ATP23: variants seen among roughly 807,000 people sequenced by gnomAD.
ATP23 encodes the protein mitochondrial inner membrane protease ATP23 homolog.
ATP23 carries 24 observed loss-of-function variants against 28.5 expected under a neutral mutation model. The ratio of observed to expected loss-of-function variants is 0.84; its 90% CI spans 0.61 to 1.18. The LOEUF (loss-of-function observed/expected upper bound fraction) is 1.18, where lower values mean the gene tolerates loss of function less well. ATP23 is among the 50% of genes most tolerant of loss of function. The pLI is 0.00. For missense variants in ATP23, 274 were observed against 306.4 expected (o/e 0.89, Z 0.79); for synonymous variants, 99 against 108.6 (o/e 0.91, Z 0.55).
At position 57,958,673 on chromosome 12, in the gene ATP23, A is replaced by C. The variant is rs1412876363; in HGVS notation, c.*1783A>C. Among the ~76,000 whole-genome samples the C allele has an allele frequency of 1.3e-5, 2 of 152,240 alleles. No homozygotes were observed. The highest frequency in any genetic ancestry group is 1.5e-5 in the Non-Finnish European group (1 of 68,034). On this transcript the variant is annotated 3_prime_UTR_variant, in exon 6 of 6. Transcript: ENST00000300145. Reference sequence around the variant, plus strand: ...GTTTGGCTTACAGGAAGCCACATCCATCGGAAAAGGGGGAGGGTATACATC... The same window carrying C: ...GTTTGGCTTACAGGAAGCCACATCCCTCGGAAAAGGGGGAGGGTATACATC...
chr12:57,949,104 A>G (rs1202117867), intron 3 of ATP23, among the ~76,000 whole-genome samples: 1 of 152,212 alleles, frequency 6.6e-6, no homozygotes, highest in African/African-American at 2.4e-5. Context: ...ATTATGAACA[A>G]TGCTGCTATG....
Position 57,958,742 on chromosome 12 carries a change from C to T in ATP23, c.*1852C>T, listed in dbSNP as rs1956891754. 6.6e-6 allele frequency among the ~76,000 whole-genome samples: 1 copy of T among 152,230 alleles called. No homozygotes were observed. Among genetic ancestry groups the T allele is most frequent in the Admixed American group, 6.5e-5 (1 of 15,288 alleles). ...ACAAAGGAACCTGAACAATGGCCTT[C>T]AGCCCTAGACCTTCCCTTTGACAGA... On this transcript the variant is annotated 3_prime_UTR_variant, in exon 6 of 6. Coordinates refer to ENST00000300145, the MANE Select transcript of ATP23 (RefSeq NM_033276.4).
chr12:57,951,744 T>C lies in ATP23; in HGVS notation c.316-14T>C. ...TTAGAATCACTGAACTTCTTTTATT[T>C]TGGTGTCTCCTAGATAGTTTTGTGC... On this transcript the variant is annotated splice_polypyrimidine_tract_variant and intron_variant, in intron 3 of 5. Coordinates refer to ENST00000300145, the MANE Select transcript of ATP23 (RefSeq NM_033276.4). 2.5e-6 allele frequency: 4 copies of C among 1,610,520 alleles called. 1 individual carries two copies. Among genetic ancestry groups the C allele is most frequent in the South Asian group, 2.2e-5 (2 of 90,910 alleles).
Position 57,951,820 on chromosome 12 carries a change from G to T in ATP23, c.378G>T (p.Glu126Asp). The T allele has an allele frequency of 1.9e-6, 3 of 1,614,170 alleles. No individual in the cohort carries two copies. Among genetic ancestry groups the T allele is most frequent in the Non-Finnish European group, 2.5e-6 (3 of 1,180,032 alleles). The change falls in exon 4 of 6, where the codon GAG becomes GAT. Residue 126 changes from glutamate (E) to aspartate (D), a missense_variant. Transcript: ENST00000300145. ...QAHMNRVVTH[E>D]LIHAFDHCRA... ...ATATGAACAGAGTGGTCACACACGA[G>T]CTTATTCATGCATTTGATCATTGTC...
chr12:57,951,706 A>G (rs939717197), intron 3 of ATP23, 52 bp from the exon 4 acceptor site: 4 of 1,602,034 alleles, frequency 2.5e-6, no homozygotes, highest in South Asian at 2.2e-5. Flanking sequence ...GATCGAGTCT[A>G]TGGAAGGAGA....
In ATP23 at chr12:57,951,865, C is replaced by G; in HGVS notation, c.423C>G (p.Phe141Leu). The G allele has an allele frequency of 6.2e-7, 1 of 1,614,162 alleles. No homozygotes were observed. The highest frequency in any genetic ancestry group is 8.5e-7 in the Non-Finnish European group (1 of 1,180,026). ...FDHCRAHVDWFTNIRHLACSE... is the reference protein window; with the variant it reads ...FDHCRAHVDWLTNIRHLACSE... The stretch of plus-strand genomic sequence containing the variant: ...ATTGTCGTGCCCATGTCGACTGGTT[C>G]ACCAACATCAGACATTTGGCGTGCT... The change falls in exon 4 of 6, where the codon TTC becomes TTG. Residue 141 changes from phenylalanine (F) to leucine (L), a missense_variant. Physicochemically the swap from Phe to Leu is conservative, Grantham distance 22 (BLOSUM62 0). Coordinates refer to ENST00000300145, the MANE Select transcript of ATP23 (RefSeq NM_033276.4).
rs1168835141 is a variant in ATP23 at position 57,948,653 on chromosome 12, C to T, written c.315+1577C>T. 3.3e-5 allele frequency among the ~76,000 whole-genome samples: 5 copies of T among 152,260 alleles called. No homozygotes were observed. The South Asian group carries it at 6.2e-4, about 19-fold the overall frequency. ...CAGAAGAGTAAAACATCTATATGTA[C>T]ACTTTCAGTAATAATAAAGTGCACA... On this transcript the variant is annotated intron_variant, in intron 3 of 5. Transcript: ENST00000300145.
In ATP23 at chr12:57,951,684, T is replaced by A. The variant is rs1956815545; in HGVS notation, c.316-74T>A. The A allele has an allele frequency of 3.9e-6, 6 of 1,545,026 alleles. No homozygotes were observed. In the South Asian group the frequency reaches 6.9e-5, roughly 18 times the overall value. On this transcript the variant is annotated intron_variant, in intron 3 of 5. Coordinates refer to ENST00000300145, the MANE Select transcript of ATP23 (RefSeq NM_033276.4). ...AGCTTGTGGGGGAGAGGTGAGGTCA[T>A]GTGGGAGAGAAGATCGAGTCTATGG... is the stretch of plus-strand genomic sequence containing the variant.
At chr12:57,943,672 C>T (rs1183170145) in intron 1 of ATP23, among the ~76,000 whole-genome samples, 2 of 147,566 alleles carry the variant, frequency 1.4e-5, no homozygotes, top group Non-Finnish European at 3.0e-5. Context: ...CAGAGCGAGA[C>T]CCTGTCTAAA....
rs1197241076 is a variant in ATP23, at chr12:57,957,075, C to G, written c.*185C>G. 1 of 455,486 alleles carries G rather than the reference C, an allele frequency of 2.2e-6. No homozygotes were observed. The highest frequency in any genetic ancestry group is 3.8e-6 in the Non-Finnish European group (1 of 266,034). The allele number at this position is 455,486 out of a possible 1,614,324, so 28.2% of individuals were successfully genotyped here. On this transcript the variant is annotated 3_prime_UTR_variant, in exon 6 of 6. Transcript: ENST00000300145. ...CAAAAAATGAAACTGCTTTAAACTC[C>G]AAGGCAGAAATTGTATCTTTATAGC... is the stretch of plus-strand genomic sequence containing the variant.
chr12:57,949,146 G>A (rs1434743588), intron 3 of ATP23, among the ~76,000 whole-genome samples: 1 of 152,220 alleles, frequency 6.6e-6, no homozygotes, highest in African/African-American at 2.4e-5. Context: ...TGGTGCACAT[G>A]TGCAAGAGTT....
chr12:57,943,387 A>G (rs1385780261), intron 1 of ATP23, among the ~76,000 whole-genome samples: 1 of 152,188 alleles, frequency 6.6e-6, no homozygotes, highest in Admixed American at 6.5e-5. Flanking sequence ...TGTGAAGAAT[A>G]GATTTTATGG....
At chr12:57,942,731 AT>A (rs1048164255) in intron 1 of ATP23, among the ~76,000 whole-genome samples, 3 of 150,514 alleles carry the variant, frequency 2.0e-5, no homozygotes, top group East Asian at 2.0e-4. Context: ...CCCAAAGTGT[AT>A]TTTTTTTTGG....
intron 1 of ATP23, 44 bp from the exon 2 acceptor site, chr12:57,945,584 G>A (rs772531010): frequency 6.5e-7 from 1 of 1,534,358 alleles, no homozygotes; most frequent in Non-Finnish European, 9.0e-7. Flanking sequence ...AGTTTAATTG[G>A]TGCTACTTTT....
At chr12:57,949,269 C>G (rs1022396784) in intron 3 of ATP23, among the ~76,000 whole-genome samples, 2 of 152,162 alleles carry the variant, frequency 1.3e-5, no homozygotes, top group African/African-American at 4.8e-5. Context: ...CAGCACTCTT[C>G]TGGTTGCTCC....
At position 57,945,521 on chromosome 12, in the gene ATP23, T is replaced by G; in HGVS notation, c.188-107T>G. 3 of 924,592 alleles carry G rather than the reference T, an allele frequency of 3.2e-6. No homozygotes were observed. In the South Asian group the frequency reaches 4.4e-5, roughly 13 times the overall value. The allele number at this position is 924,592 out of a possible 1,614,324, so 57.3% of individuals were successfully genotyped here. A position where few individuals can be genotyped will look rare whatever the true frequency, so the allele number is the denominator to read the frequency against. ...TGCTGGGATTACAGGCATGAGCCAC[T>G]GCATCTGGCCTGTGAGTTACTTTTT... On this transcript the variant is annotated intron_variant, in intron 1 of 5. Transcript: ENST00000300145.
In ATP23 at chr12:57,941,666, A is replaced by C. The variant is rs1458847412; in HGVS notation, c.-36A>C. The C allele has an allele frequency of 6.3e-7, 1 of 1,593,626 alleles. No individual in the cohort carries two copies. On this transcript the variant is annotated 5_prime_UTR_variant, in exon 1 of 6. Coordinates refer to ENST00000300145, the MANE Select transcript of ATP23 (RefSeq NM_033276.4). ...TTCCCAGTCTCGCTCTGGCCGCCTG[A>C]GCCAGGAGGAAGCAGCGGCGAGGTC...
At chr12:57,952,591 T>A (rs1204219171) in intron 4 of ATP23, among the ~76,000 whole-genome samples, 2 of 152,180 alleles carry the variant, frequency 1.3e-5, no homozygotes, top group Non-Finnish European at 2.9e-5. Context: ...AATTGAAGAG[T>A]TAATTAAAAT....
intron 1 of ATP23, among the ~76,000 whole-genome samples, chr12:57,942,987 A>G (rs939927845): frequency 3.3e-5 from 5 of 152,190 alleles, no homozygotes; most frequent in African/African-American, 7.2e-5. Context: ...CAAGGTTACT[A>G]TTTCATAGCT....
Sources: gnomAD v4.1 joint callset for allele counts (sites outside exome capture counted in the v4.1 genomes callset) on GRCh38, gnomAD v4.1.1 for gene constraint, MANE v1.5 for transcripts, NCBI Gene and HGNC (gene_info 2026-07-23, HGNC 2026-07-21) for gene names.